Variants in DPP7 observed in about 807,000 individuals in gnomAD.
The protein encoded by DPP7 is dipeptidyl peptidase 7.
DPP7 carries 74 observed loss-of-function variants against 58.8 expected under a neutral mutation model. That is an observed-to-expected ratio of 1.26 (90% CI 1.04 to 1.53). The LOEUF (loss-of-function observed/expected upper bound fraction) is 1.53, where lower values mean the gene tolerates loss of function less well. DPP7 is among the 40% of genes most tolerant of loss of function. The pLI is 0.00. For synonymous variants in DPP7, 350 were observed against 303.6 expected (o/e 1.15, Z -1.59); for missense variants, 807 against 692.3 (o/e 1.17, Z -1.86).
rs745632439 is a variant in DPP7 at position 137,111,690 on chromosome 9, C to T, written c.1272G>A (p.Gly424=). 5 of 1,613,462 alleles carry T rather than the reference C, an allele frequency of 3.1e-6. No individual in the cohort carries two copies. The South Asian group carries it at 5.5e-5, about 18-fold the overall frequency. ...NGNLDPWAGG[G]IRRNLSASVI... is the part of the protein sequence containing the mutation. ...TCATAGGGCCCAGGCCAGGACTCAC[C>T]CCGCCCCCTGCCCAGGGGTCCAGGT... Residue 424 remains glycine (G), a splice_region_variant and synonymous_variant, in exon 11 of 13, where the codon GGG becomes GGA. Coordinates refer to ENST00000371579, the MANE Select transcript of DPP7 (RefSeq NM_013379.3).
At position 137,113,418 on chromosome 9, in the gene DPP7, G is replaced by A. The variant is rs758554118; in HGVS notation, c.564C>T (p.Pro188=). ...CGCCGAGGCCTGCCACAGCTAGAAC[G>A]GGCGCGCTGGCCGCCAGCGCCCCCG... The part of the protein sequence containing the change: ...LVAGALAASA[P]VLAVAGLGDS... Residue 188 remains proline, a synonymous_variant, in exon 5 of 13, where the codon CCC becomes CCT. Transcript: ENST00000371579. 9 of 1,607,106 alleles carry A rather than the reference G, an allele frequency of 5.6e-6. No homozygotes were observed. The highest frequency in any genetic ancestry group is 2.2e-5 in the East Asian group (1 of 44,716).
rs1469090688 is a variant in DPP7 at position 137,111,960 on chromosome 9, T to C, written c.1120A>G (p.Thr374Ala). ...CAGTACCGCTGGCGGAGCTCGTCAGTGAAGGGCAGGTCCGGGAACATATCG... is the reference window on the plus strand; with the variant it reads ...CAGTACCGCTGGCGGAGCTCGTCAGCGAAGGGCAGGTCCGGGAACATATCG... The part of the protein sequence containing the change: ...VTDMFPDLPF[T>A]DELRQRYCLD... The change falls in exon 10 of 13, where the codon ACT becomes GCT. Residue 374 changes from threonine to alanine, a missense_variant. This residue lies in a region of DPP7 where 624 missense variants were observed against 531.2 expected (regional missense o/e 1.17). Transcript: ENST00000371579. The C allele has an allele frequency of 6.2e-7, 1 of 1,604,800 alleles. No individual in the cohort carries two copies. The highest frequency in any genetic ancestry group is 1.7e-5 in the Admixed American group (1 of 59,548).
rs747216596 is a variant in DPP7, at chr9:137,113,419, G to A, written c.563C>T (p.Pro188Leu). The A allele has an allele frequency of 1.2e-6, 2 of 1,607,122 alleles. No homozygotes were observed. The highest frequency in any genetic ancestry group is 2.2e-5 in the South Asian group (2 of 90,892). Residue 188 changes from proline (P) to leucine (L), a missense_variant, in exon 5 of 13, where the codon CCC (proline) becomes CTC (leucine). This residue lies in a region of DPP7 where 624 missense variants were observed against 531.2 expected (regional missense o/e 1.17). Transcript: ENST00000371579. ...GCCGAGGCCTGCCACAGCTAGAACG[G>A]GCGCGCTGGCCGCCAGCGCCCCCGC... The part of the protein sequence containing the change: ...LVAGALAASA[P>L]VLAVAGLGDS...
At chr9:137,111,013 C>A in intron 11 of DPP7, 63 bp from the exon 12 acceptor site, 3 of 1,530,040 alleles carry the variant, frequency 2.0e-6, no homozygotes, top group Non-Finnish European at 2.7e-6. Flanking sequence ...CCTCCGTGGG[C>A]CCATTGGAGA....
chr9:137,114,055 C>CCCCGCGACCCCGCCCGGCG (rs1831514745), intron 3 of DPP7, 27 bp from the exon 4 acceptor site: 1 of 1,290,380 alleles, frequency 7.7e-7, no homozygotes, highest in African/African-American at 1.6e-5. Flanking sequence ...TTGAGCCCGG[C>CCCCGCGACCCCGCCCGGCG]CCCGCGACCC....
intron 11 of DPP7, among the ~76,000 whole-genome samples, chr9:137,111,189 GAC>G (rs1320877282): frequency 6.6e-6 from 1 of 151,472 alleles, no homozygotes; most frequent in Admixed American, 6.6e-5. Flanking sequence ...CTGGGAGTAA[GAC>G]AGGAGCAGGG....
rs760627134 is a variant in DPP7 at position 137,112,193 on chromosome 9, G to A, written c.969C>T (p.Tyr323=). The change falls in exon 9 of 13, where the codon TAC becomes TAT. Residue 323 remains tyrosine (Y), a synonymous_variant. Transcript: ENST00000371579. ...VYNASGSEHC[Y]DIYRLYHSCA... is the part of the protein sequence containing the mutation. ...AGCTGTGGTAGAGCCGGTAGATGTC[G>A]TAGCAGTGCTCGGAGCCCGAGGCGT... The A allele has an allele frequency of 5.6e-6, 9 of 1,605,890 alleles. No individual in the cohort carries two copies. The highest frequency in any genetic ancestry group is 7.6e-6 in the Non-Finnish European group (9 of 1,179,646).
chr9:137,110,817 C>T (rs374901603), intron 12 of DPP7, 34 bp from the exon 13 acceptor site: 1 of 1,602,192 alleles, frequency 6.2e-7, no homozygotes, highest in African/African-American at 1.3e-5. Context: ...CCCGTCAGCC[C>T]CAGCCCTCGG....
upstream of DPP7, among the ~76,000 whole-genome samples, chr9:137,115,871 C>T (rs960222520): frequency 3.3e-5 from 5 of 151,912 alleles, no homozygotes; most frequent in Admixed American, 3.3e-4. Context: ...CCTGCCGGGG[C>T]CCCCGCAGGA....
In DPP7 at chr9:137,114,509, G is replaced by GA. The variant is rs1391370821; in HGVS notation, c.134dup (p.Glu46ArgfsTer165). ...GGAAGGTCTTGTTGCCGAAGCGCTC[G>GA]AAGTTGAAGTGGTCCAGACGCTGCT... On this transcript the variant is annotated frameshift_variant, in exon 2 of 13. Coordinates refer to ENST00000371579, the MANE Select transcript of DPP7 (RefSeq NM_013379.3). LOFTEE classifies it high-confidence loss of function. 14 of 1,586,524 alleles carry GA rather than the reference G, an allele frequency of 8.8e-6. No individual in the cohort carries two copies. The highest frequency in any genetic ancestry group is 1.2e-5 in the Non-Finnish European group (14 of 1,167,250).
chr9:137,112,280 G>A (rs368448663), intron 8 of DPP7, 50 bp from the exon 9 acceptor site: 385 of 1,470,222 alleles, frequency 2.6e-4, no homozygotes, highest in East Asian at 2.1e-3. Context: ...GACACACCGC[G>A]GGCTCCGGCC....
At chr9:137,115,883 G>A (rs973498087), upstream of DPP7, among the ~76,000 whole-genome samples, 3 of 152,158 alleles carry the variant, frequency 2.0e-5, no homozygotes, top group Non-Finnish European at 2.9e-5. Context: ...CCCGCAGGAC[G>A]GGGGTGAGGA....
At position 137,114,550 on chromosome 9, in the gene DPP7, G is replaced by A; in HGVS notation, c.94C>T (p.Gln32Ter). ...GARRAPDPGF[Q>*]ERFFQQRLDH... is the part of the protein sequence containing the mutation. Reference sequence around the variant, plus strand: ...AGACGCTGCTGGAAGAAGCGCTCCTGGAAGCCGGGGTCCGGGGCCCTGCGG... The same window carrying A: ...AGACGCTGCTGGAAGAAGCGCTCCTAGAAGCCGGGGTCCGGGGCCCTGCGG... Residue 32 changes from glutamine (Q) to a stop codon, truncating the protein, a stop_gained, in exon 2 of 13, where the codon CAG becomes TAG. Transcript: ENST00000371579. LOFTEE classifies it high-confidence loss of function. 1 of 1,565,956 alleles carries A rather than the reference G, an allele frequency of 6.4e-7. No homozygotes were observed.
rs954315298 is a variant in DPP7 at position 137,113,180 on chromosome 9, A to G, written c.703+26T>C. ...TAGCTGGCGCTGGGGCGGGTCAGGC[A>G]GTGGGAGGCGGTGGGAGGACCTCAC... On this transcript the variant is annotated intron_variant, in intron 6 of 12. Coordinates refer to ENST00000371579, the MANE Select transcript of DPP7 (RefSeq NM_013379.3). 1.1e-5 allele frequency: 18 copies of G among 1,613,554 alleles called. No homozygotes were observed. The African/African-American group carries it at 2.4e-4, about 22-fold the overall frequency.
chr9:137,112,388 G>A, intron 8 of DPP7, 158 bp from the exon 9 acceptor site: 1 of 667,894 alleles, frequency 1.5e-6, no homozygotes, highest in Non-Finnish European at 2.5e-6. Flanking sequence ...CCTGCTTGGA[G>A]GTCGGCGGTG....
intron 3 of DPP7, 39 bp from the exon 4 acceptor site, chr9:137,114,067 G>C (rs1404805308): frequency 1.6e-6 from 2 of 1,245,970 alleles, no homozygotes; most frequent in Non-Finnish European, 2.0e-6. Flanking sequence ...CCGCGACCCC[G>C]CCCGGCACCC....
intron 3 of DPP7, 46 bp downstream of exon 3, chr9:137,114,197 A>G (rs1171057796): frequency 2.7e-6 from 2 of 733,184 alleles, no homozygotes; most frequent in East Asian, 8.5e-5. Flanking sequence ...CCCGCCCGGC[A>G]CCCACGTGCC....
rs768232008 is a variant in DPP7 at position 137,114,485 on chromosome 9, G to A, written c.159C>T (p.Phe53=). The change falls in exon 2 of 13, where the codon TTC becomes TTT. Residue 53 remains phenylalanine (F), a synonymous_variant. Transcript: ENST00000371579. ...FNFERFGNKT[F]PQRFLVSDRF... is the part of the protein sequence containing the mutation. ...CACCCGACACCAGGAAGCGCTGAGG[G>A]AAGGTCTTGTTGCCGAAGCGCTCGA... 1.3e-6 allele frequency: 2 copies of A among 1,579,750 alleles called. No individual in the cohort carries two copies. Among genetic ancestry groups the A allele is most frequent in the Non-Finnish European group, 1.7e-6 (2 of 1,163,460 alleles).
chr9:137,112,931 G>T (rs772726876), intron 7 of DPP7, 22 bp downstream of exon 7: 1 of 1,612,342 alleles, frequency 6.2e-7, no homozygotes, highest in Non-Finnish European at 8.5e-7. Flanking sequence ...CTCTCCCTGC[G>T]CCCTGGGAGG....
Sources: allele counts gnomAD v4.1 joint callset (sites outside exome capture counted in the v4.1 genomes callset), GRCh38; gene constraint gnomAD v4.1.1; regional missense constraint gnomAD v4.1.1; transcripts MANE v1.5; gene names NCBI Gene and HGNC (gene_info 2026-07-23, HGNC 2026-07-21).